Variants in NETO1 observed in about 807,000 individuals in gnomAD.
NETO1 encodes the protein neuropilin and tolloid like 1, also known as neuropilin and tolloid-like protein 1.
Under a neutral mutation model 61.3 loss-of-function variants are expected in NETO1, and 26 were observed. That is an observed-to-expected ratio of 0.42 (90% CI 0.31 to 0.59). NETO1 has a LOEUF of 0.59. Ranked by LOEUF, NETO1 falls within the 20% of genes least tolerant of loss-of-function variation. The probability of loss-of-function intolerance (pLI) is 0.12; values close to 1 mark genes in which losing one functional copy is unlikely to be tolerated. For synonymous variants in NETO1, 225 were observed against 225.8 expected, an observed-to-expected ratio of 1.00 and a Z score of 0.03; for missense variants, 531 against 662.8, an observed-to-expected ratio of 0.80 and a Z score of 2.18.
At chr18:72,817,493 A>T (rs1252704220) in intron 4 of NETO1, among the ~76,000 whole-genome samples, 1 of 152,264 alleles carries the variant, frequency 6.6e-6, no homozygotes, top group Non-Finnish European at 1.5e-5. Context: ...GTAAGCCACT[A>T]AATGTTAGAG....
intron 6 of NETO1, among the ~76,000 whole-genome samples, chr18:72,786,766 A>G (rs575984665): frequency 6.6e-6 from 1 of 152,154 alleles, no homozygotes; most frequent in South Asian, 2.1e-4. Context: ...TAAAAATGTT[A>G]AACTTCCAAG....
At chr18:72,826,868 T>A (rs2073390888) in intron 4 of NETO1, among the ~76,000 whole-genome samples, 2 of 152,164 alleles carry the variant, frequency 1.3e-5, no homozygotes, top group South Asian at 4.1e-4. Context: ...GGCTTTTACA[T>A]CGTGGGTGAA....
chr18:72,759,270 C>T (rs1016128965), intron 7 of NETO1, among the ~76,000 whole-genome samples: 3 of 152,180 alleles, frequency 2.0e-5, no homozygotes, highest in African/African-American at 7.2e-5. Flanking sequence ...ATCTATAAAC[C>T]TGTCTTAAAC....
At chr18:72,818,604 C>T (rs1020154827) in intron 4 of NETO1, among the ~76,000 whole-genome samples, 2 of 152,140 alleles carry the variant, frequency 1.3e-5, no homozygotes, top group African/African-American at 2.4e-5. Context: ...TTTTATGCAA[C>T]CTTATTTTTC....
Position 72,748,064 on chromosome 18 carries a change from G to T in NETO1, c.*115C>A. On this transcript the variant is annotated 3_prime_UTR_variant, in exon 11 of 11. Coordinates refer to ENST00000327305, the MANE Select transcript of NETO1 (RefSeq NM_138966.5). ...ACAAATGTCTGTAATTCTTAAGTTT[G>T]GATAAAGGCAGTGGAATGAATTTAG... 1.2e-6 allele frequency: 1 copy of T among 809,042 alleles called. No individual in the cohort carries two copies. The highest frequency in any genetic ancestry group is 1.5e-6 in the Non-Finnish European group (1 of 668,936). The allele number at this position is 809,042 out of a possible 1,614,324, so 50.1% of individuals were successfully genotyped here. A position where few individuals can be genotyped will look rare whatever the true frequency, so the allele number is the denominator to read the frequency against.
At chr18:72,779,879 G>C (rs2071679549) in intron 7 of NETO1, among the ~76,000 whole-genome samples, 1 of 152,176 alleles carries the variant, frequency 6.6e-6, no homozygotes, top group Non-Finnish European at 1.5e-5. Context: ...CGAGATCAAG[G>C]TGCTGGCAGA....
intron 4 of NETO1, among the ~76,000 whole-genome samples, chr18:72,799,154 T>C (rs769387728): frequency 6.6e-6 from 1 of 152,210 alleles, no homozygotes; most frequent in Non-Finnish European, 1.5e-5. Context: ...TAAGGATATC[T>C]GTCATGAACT....
At chr18:72,792,792 G>A (rs766839300) in intron 6 of NETO1, among the ~76,000 whole-genome samples, 1 of 151,798 alleles carries the variant, frequency 6.6e-6, no homozygotes, top group Admixed American at 6.6e-5. Context: ...CTCAACCCAC[G>A]CTTTCATGTG....
chr18:72,830,561 A>G lies in NETO1; in HGVS notation c.469+28265T>C, dbSNP rs936349035. Among the ~76,000 whole-genome samples, 1 of 152,226 alleles carries G rather than the reference A, an allele frequency of 6.6e-6. No individual in the cohort carries two copies. Among genetic ancestry groups the G allele is most frequent in the Non-Finnish European group, 1.5e-5 (1 of 68,028 alleles). On this transcript the variant is annotated intron_variant, in intron 4 of 10. Transcript: ENST00000327305. This position sits in a 1 kb window ranked among gnomAD's most constrained non-coding sequence, Gnocchi z 4.9. ...ATTCCTCAATGAACAGATGTATTAC[A>G]GAAGACTGCCAGAATTTTTTAGGAG...
At chr18:72,758,275 G>A (rs1274538193) in intron 7 of NETO1, among the ~76,000 whole-genome samples, 2 of 151,912 alleles carry the variant, frequency 1.3e-5, no homozygotes, top group South Asian at 2.1e-4. Flanking sequence ...AGTAATTCAG[G>A]AATGTCAATA....
At chr18:72,764,845 G>A (rs539504072) in intron 7 of NETO1, among the ~76,000 whole-genome samples, 6 of 152,112 alleles carry the variant, frequency 3.9e-5, no homozygotes, top group Non-Finnish European at 1.5e-5. Flanking sequence ...AAAGGCTCAA[G>A]ACCATCCTTG....
At chr18:72,776,623 A>AGAAGAGGT (rs71166424) in intron 7 of NETO1, among the ~76,000 whole-genome samples, 46,200 of 151,646 alleles carry the variant, frequency 0.3, 7,963 homozygotes, top group South Asian at 0.47. Flanking sequence ...CTCACATGGC[A>AGAAGAGGT]GAAGAGGTGA....
chr18:72,797,563 C>T lies in NETO1; in HGVS notation c.470-3159G>A, dbSNP rs181733577. 2.4e-3 allele frequency among the ~76,000 whole-genome samples: 359 copies of T among 152,282 alleles called. 3 individuals carry two copies. The highest frequency in any genetic ancestry group is 3.0e-3 in the Non-Finnish European group (206 of 68,026). On this transcript the variant is annotated intron_variant, in intron 4 of 10. Coordinates refer to ENST00000327305, the MANE Select transcript of NETO1 (RefSeq NM_138966.5). The stretch of plus-strand genomic sequence containing the variant: ...GAATTATTAGGCAGACACACGATAA[C>T]GTTGGACTTGGTAACTAGTCTTCCA...
chr18:72,863,932 G>A (rs2074656880), intron 3 of NETO1, among the ~76,000 whole-genome samples: 1 of 152,128 alleles, frequency 6.6e-6, no homozygotes, highest in South Asian at 2.1e-4. Flanking sequence ...TTAAGAGAGA[G>A]GTGTTGGCCG....
At chr18:72,806,975 T>C (rs2072694223) in intron 4 of NETO1, among the ~76,000 whole-genome samples, 1 of 152,178 alleles carries the variant, frequency 6.6e-6, no homozygotes. Context: ...AAAACCAGAG[T>C]GTTTGTAGTT....
rs1466638158 is a variant in NETO1 at position 72,768,438 on chromosome 18, T to C, written c.869-12291A>G. The stretch of plus-strand genomic sequence containing the variant: ...TCAGTCAAAGACCCCATCAGCTTAA[T>C]ACAAACAAGCAAAAACAACACAGAA... On this transcript the variant is annotated intron_variant, in intron 7 of 10. Transcript: ENST00000327305. 2.6e-5 allele frequency among the ~76,000 whole-genome samples: 4 copies of C among 152,274 alleles called. No homozygotes were observed. The South Asian group carries it at 8.3e-4, about 32-fold the overall frequency.
intron 4 of NETO1, among the ~76,000 whole-genome samples, chr18:72,824,414 T>G (rs2073309026): frequency 6.6e-6 from 1 of 152,220 alleles, no homozygotes. Flanking sequence ...ATTATCTGGC[T>G]CTGTATACAT....
At chr18:72,846,778 A>G (rs1039050018) in intron 4 of NETO1, among the ~76,000 whole-genome samples, 3 of 152,244 alleles carry the variant, frequency 2.0e-5, no homozygotes, top group Non-Finnish European at 2.9e-5. Context: ...TTACAACAGC[A>G]GATCTCTGAA....
chr18:72,842,135 T>G (rs1568249952), intron 4 of NETO1, among the ~76,000 whole-genome samples: 1 of 152,190 alleles, frequency 6.6e-6, no homozygotes, highest in Admixed American at 6.5e-5. Flanking sequence ...TTTTAAGGTA[T>G]GCAAAAATGC....
Sources: gnomAD v4.1 joint callset for allele counts (sites outside exome capture counted in the v4.1 genomes callset) on GRCh38, gnomAD v4.1.1 for gene constraint, Gnocchi (gnomAD v3.1) non-coding constraint, MANE v1.5 for transcripts, NCBI Gene and HGNC (gene_info 2026-07-23, HGNC 2026-07-21) for gene names.